Variants in HDAC9 observed in about 807,000 individuals in gnomAD.
The protein encoded by HDAC9 is histone deacetylase 9.
A neutral mutation model predicts 139.4 loss-of-function variants in HDAC9; 41 were observed. The observed-to-expected ratio is 0.29, with a 90% CI of 0.23 to 0.38. The LOEUF (loss-of-function observed/expected upper bound fraction) is 0.38, where lower values mean the gene tolerates loss of function less well. HDAC9 is among the 10% of genes least tolerant of loss of function. The pLI, the probability that HDAC9 is intolerant of heterozygous loss-of-function variation, is 1.00. For missense variants in HDAC9, 1,147 were observed against 1,297.0 expected (o/e 0.88, Z 1.78); for synonymous variants, 517 against 476.2 (o/e 1.09, Z -1.12).
At chr7:18,963,209 A>G (rs1234743722) in intron 24 of HDAC9, among the ~76,000 whole-genome samples, 5 of 152,212 alleles carry the variant, frequency 3.3e-5, no homozygotes, top group Admixed American at 1.3e-4. Flanking sequence ...CAACACAAAA[A>G]TGGGGAATAT....
intron 11 of HDAC9, among the ~76,000 whole-genome samples, chr7:18,651,116 A>C (rs2129038023): frequency 6.6e-6 from 1 of 152,276 alleles, no homozygotes; most frequent in East Asian, 1.9e-4. Flanking sequence ...AAGGATGTTT[A>C]TTTCACATTG....
At chr7:18,627,714 A>T (rs1842077953) in intron 6 of HDAC9, among the ~76,000 whole-genome samples, 2 of 152,130 alleles carry the variant, frequency 1.3e-5, no homozygotes, top group Non-Finnish European at 2.9e-5. Flanking sequence ...GGCAAGTGAT[A>T]CATTTCAGAT....
chr7:18,642,874 A>G (rs186930324), intron 8 of HDAC9, among the ~76,000 whole-genome samples: 19 of 152,206 alleles, frequency 1.2e-4, no homozygotes, highest in East Asian at 1.9e-4. Flanking sequence ...TGTGAGGTCT[A>G]TGGTATTTTT....
chr7:18,835,430 A>G (rs779396160), intron 19 of HDAC9, 37 bp from the exon 20 acceptor site: 22 of 1,590,072 alleles, frequency 1.4e-5, no homozygotes, highest in Middle Eastern at 1.7e-4. Flanking sequence ...AAAGTTAGAC[A>G]TGACTGTATT....
At chr7:18,536,821 C>G (rs139949020) in intron 2 of HDAC9, among the ~76,000 whole-genome samples, 349 of 152,236 alleles carry the variant, frequency 2.3e-3, no homozygotes, top group African/African-American at 8.1e-3. Flanking sequence ...AGAGAATATA[C>G]TAGGGAGGGT....
intron 22 of HDAC9, among the ~76,000 whole-genome samples, chr7:18,882,696 C>G (rs544722379): frequency 6.6e-6 from 1 of 151,244 alleles, no homozygotes; most frequent in Non-Finnish European, 1.5e-5. Context: ...TACCTACAAC[C>G]TATGTAATAA....
intron 17 of HDAC9, among the ~76,000 whole-genome samples, chr7:18,824,050 A>AGAAGAG (rs1481509873): frequency 3.1e-5 from 4 of 127,426 alleles, no homozygotes; most frequent in African/African-American, 1.0e-4. Context: ...AAGAGGAAGA[A>AGAAGAG]GAAGAAGAAG....
intron 6 of HDAC9, among the ~76,000 whole-genome samples, chr7:18,601,612 A>G (rs1833970476): frequency 6.6e-6 from 1 of 152,206 alleles, no homozygotes; most frequent in South Asian, 2.1e-4. Flanking sequence ...TATTAGCTGT[A>G]GATTTTGTGT....
At chr7:18,140,613 A>G (rs1042720953) in intron 1 of HDAC9, among the ~76,000 whole-genome samples, 3 of 152,166 alleles carry the variant, frequency 2.0e-5, no homozygotes, top group African/African-American at 7.2e-5. Flanking sequence ...TGCAGTTACT[A>G]TATCCATCTA....
At position 18,419,083 on chromosome 7, in the gene HDAC9, T is replaced by C. The variant is rs540725424; in HGVS notation, c.-41-77179T>C. On this transcript the variant is annotated intron_variant, in intron 1 of 3. Coordinates refer to the HDAC9 transcript ENST00000413509. ...TTTTCTTTACACCATATAGAAGATA[T>C]GGAAATCAATTATTTCATTAATACT... 4.1e-3 allele frequency among the ~76,000 whole-genome samples: 625 copies of C among 152,310 alleles called. 6 individuals carry two copies. Among genetic ancestry groups the C allele is most frequent in the Non-Finnish European group, 6.5e-3 (445 of 68,020 alleles).
upstream of HDAC9, chr7:18,495,699 G>A (rs891253603): frequency 7.2e-6 from 7 of 975,462 alleles, no homozygotes; most frequent in African/African-American, 1.8e-5. Context: ...TATGCAAATG[G>A]ATTATCACTC....
At chr7:18,690,933 C>A (rs1386866016) in intron 12 of HDAC9, among the ~76,000 whole-genome samples, 2 of 151,710 alleles carry the variant, frequency 1.3e-5, no homozygotes, top group African/African-American at 4.8e-5. Context: ...ATATACCTTG[C>A]GATTATAGTT....
At chr7:18,278,352 T>A (rs1302885020) in intron 2 of HDAC9, among the ~76,000 whole-genome samples, 1 of 152,194 alleles carries the variant, frequency 6.6e-6, no homozygotes, top group African/African-American at 2.4e-5. Context: ...AACAAAAACA[T>A]ACGCTTTGAA....
At chr7:18,922,371 C>G (rs1343665906) in intron 22 of HDAC9, among the ~76,000 whole-genome samples, 5 of 151,508 alleles carry the variant, frequency 3.3e-5, no homozygotes, top group Admixed American at 3.3e-4. Context: ...ATTTCTTTTT[C>G]CCAAAAAAAT....
intron 2 of HDAC9, among the ~76,000 whole-genome samples, chr7:18,284,852 A>C (rs1161661883): frequency 1.3e-5 from 2 of 152,102 alleles, no homozygotes; most frequent in Admixed American, 1.3e-4. Context: ...TTAAAAATTC[A>C]TTTTGCTATA....
At chr7:18,944,338 G>C (rs374813671) in intron 23 of HDAC9, among the ~76,000 whole-genome samples, 1 of 152,076 alleles carries the variant, frequency 6.6e-6, no homozygotes, top group African/African-American at 2.4e-5. Flanking sequence ...CATGTTGCAG[G>C]GGGACTTTCA....
chr7:18,852,926 C>T (rs1384766873), intron 21 of HDAC9, among the ~76,000 whole-genome samples: 3 of 151,348 alleles, frequency 2.0e-5, no homozygotes, highest in Non-Finnish European at 4.4e-5. Flanking sequence ...AAGGATCCAT[C>T]GAGGAAAAAT....
chr7:18,668,284 TA>T, intron 12 of HDAC9: 1 of 960,234 alleles, frequency 1.0e-6, no homozygotes, highest in Non-Finnish European at 1.2e-6. Flanking sequence ...ATCACCAACA[TA>T]TTTTGGTTAG....
In HDAC9 at chr7:19,000,129, A is replaced by G. The variant is rs1786680276; in HGVS notation, c.*4067A>G. Reference sequence around the variant, plus strand: ...GAAAACCAGATGGTCTATGCTAAGAAGTGAAGGCATTTTGTTGTCTTCAGA... The same window carrying G: ...GAAAACCAGATGGTCTATGCTAAGAGGTGAAGGCATTTTGTTGTCTTCAGA... On this transcript the variant is annotated 3_prime_UTR_variant, in exon 26 of 26. Transcript: ENST00000686413. 6.6e-6 allele frequency: 1 copy of G among 152,244 alleles called. No individual in the cohort carries two copies. The highest frequency in any genetic ancestry group is 2.4e-5 in the African/African-American group (1 of 41,468). The allele number at this position is 152,244 out of a possible 1,614,324, so 9.4% of individuals were successfully genotyped here.
Sources: gnomAD v4.1 joint callset for allele counts (sites outside exome capture counted in the v4.1 genomes callset) on GRCh38, gnomAD v4.1.1 for gene constraint, MANE v1.5 for transcripts, NCBI Gene and HGNC (gene_info 2026-07-23, HGNC 2026-07-21) for gene names.